The following NOS1AP variants were observed in gnomAD, a reference collection of about 807,000 sequenced individuals.
NOS1AP encodes nitric oxide synthase 1 adaptor protein, also known as carboxyl-terminal PDZ ligand of neuronal nitric oxide synthase protein.
In NOS1AP, 21 loss-of-function variants were observed where a neutral mutation model predicts 56.2. The observed-to-expected ratio is 0.37, with a 90% CI of 0.26 to 0.54. The LOEUF (loss-of-function observed/expected upper bound fraction) is 0.54, where lower values mean the gene tolerates loss of function less well. Ranked by LOEUF, NOS1AP falls within the 20% of genes least tolerant of loss-of-function variation. The pLI, the probability that NOS1AP is intolerant of heterozygous loss-of-function variation, is 0.84. For synonymous variants in NOS1AP, 270 were observed against 274.6 expected, an observed-to-expected ratio of 0.98 and a Z score of 0.17; for missense variants, 522 against 657.8, an observed-to-expected ratio of 0.79 and a Z score of 2.26.
At chr1:162,290,580 T>C (rs1230326161) in intron 3 of NOS1AP, among the ~76,000 whole-genome samples, 1 of 152,234 alleles carries the variant, frequency 6.6e-6, no homozygotes, top group African/African-American at 2.4e-5. Context: ...GGTTAAGAAC[T>C]AGAGCTCTTT....
intron 2 of NOS1AP, among the ~76,000 whole-genome samples, chr1:162,215,609 A>G (rs1377868650): frequency 1.3e-5 from 2 of 152,138 alleles, no homozygotes; most frequent in Non-Finnish European, 2.9e-5. Context: ...CACTGGCTCA[A>G]GCTTGAGGAC....
intron 1 of NOS1AP, among the ~76,000 whole-genome samples, chr1:162,076,503 A>T (rs1416193850): frequency 6.6e-6 from 1 of 152,178 alleles, no homozygotes; most frequent in African/African-American, 2.4e-5. Flanking sequence ...TAATTTAGTG[A>T]TTTTTAAGAT....
At chr1:162,242,328 C>T (rs572378972) in intron 2 of NOS1AP, among the ~76,000 whole-genome samples, 33 of 152,292 alleles carry the variant, frequency 2.2e-4, no homozygotes, top group African/African-American at 7.7e-4. Flanking sequence ...CAACAGAATG[C>T]AGTGGAAGTA....
intron 1 of NOS1AP, among the ~76,000 whole-genome samples, chr1:162,076,184 C>T (rs1691764334): frequency 6.6e-6 from 1 of 152,126 alleles, no homozygotes; most frequent in African/African-American, 2.4e-5. Context: ...CTTGAGGATG[C>T]TCTTAGCTCC....
chr1:162,358,019 A>T (rs1368862606), intron 8 of NOS1AP, among the ~76,000 whole-genome samples: 1 of 151,984 alleles, frequency 6.6e-6, no homozygotes, highest in Admixed American at 6.6e-5. Context: ...ATCTTAGGAG[A>T]CGGGGCAGTT....
intron 6 of NOS1AP, among the ~76,000 whole-genome samples, chr1:162,350,278 C>G (rs893901572): frequency 4.6e-5 from 7 of 152,354 alleles, no homozygotes; most frequent in African/African-American, 1.7e-4. Context: ...CATGTCTTTT[C>G]ATCGTTTTCA....
At chr1:162,254,760 T>C (rs16859092) in intron 2 of NOS1AP, among the ~76,000 whole-genome samples, 9,817 of 152,278 alleles carry the variant, frequency 0.064, 415 homozygotes, top group African/African-American at 0.11. Context: ...TAACTGTAGA[T>C]CACTATAAGC....
intron 3 of NOS1AP, among the ~76,000 whole-genome samples, chr1:162,299,392 A>G (rs1366352472): frequency 6.6e-6 from 1 of 152,122 alleles, no homozygotes; most frequent in African/African-American, 2.4e-5. Context: ...AAGAAAATTC[A>G]CTATGGTAGC....
At chr1:162,205,795 C>A (rs1652143939) in intron 2 of NOS1AP, among the ~76,000 whole-genome samples, 1 of 152,130 alleles carries the variant, frequency 6.6e-6, no homozygotes, top group East Asian at 1.9e-4. Context: ...ACCCTGTAGA[C>A]CTTGTTCCAT....
At chr1:162,164,159 C>T (rs1477955599) in intron 2 of NOS1AP, among the ~76,000 whole-genome samples, 1 of 152,212 alleles carries the variant, frequency 6.6e-6, no homozygotes, top group Non-Finnish European at 1.5e-5. Flanking sequence ...CAGTTTCTTG[C>T]ACTGACACAC....
chr1:162,162,433 C>T (rs534592034), intron 2 of NOS1AP, among the ~76,000 whole-genome samples: 1 of 152,278 alleles, frequency 6.6e-6, no homozygotes, highest in African/African-American at 2.4e-5. Flanking sequence ...CTGAGGCAGC[C>T]TCTGGAGTTG....
chr1:162,176,335 A>G (rs796573195), intron 2 of NOS1AP, among the ~76,000 whole-genome samples: 68 of 152,040 alleles, frequency 4.5e-4, no homozygotes, highest in African/African-American at 1.6e-3. Flanking sequence ...CCCAAACCCT[A>G]TCCCCAAACC....
intron 2 of NOS1AP, among the ~76,000 whole-genome samples, chr1:162,277,567 T>C (rs186952851): frequency 1.3e-5 from 2 of 152,330 alleles, no homozygotes; most frequent in East Asian, 3.9e-4. Flanking sequence ...TTGCTCATCA[T>C]GTTAGAAAGT....
In NOS1AP at chr1:162,108,559, A is replaced by G. The variant is rs377067817; in HGVS notation, c.105+38277A>G. ...AAAGTTTCTCTTTATAAAAGTAGCT[A>G]CAGGAGAGATGAAGAGGGAATGATA... On this transcript the variant is annotated intron_variant, in intron 1 of 9. Transcript: ENST00000361897. 4.6e-5 allele frequency among the ~76,000 whole-genome samples: 7 copies of G among 152,232 alleles called. No individual in the cohort carries two copies. In the East Asian group the frequency reaches 9.6e-4, roughly 21 times the overall value.
intron 1 of NOS1AP, among the ~76,000 whole-genome samples, chr1:162,139,462 C>T (rs1039853967): frequency 4.9e-4 from 74 of 152,138 alleles, no homozygotes; most frequent in African/African-American, 1.8e-3. Flanking sequence ...GATCTCAGTG[C>T]TGGAGGAACA....
At chr1:162,269,674 T>G (rs1455042914) in intron 2 of NOS1AP, among the ~76,000 whole-genome samples, 1 of 152,190 alleles carries the variant, frequency 6.6e-6, no homozygotes, top group East Asian at 1.9e-4. Context: ...TCATAGAAGA[T>G]CCTTTGATTT....
chr1:162,361,048 T>A, intron 8 of NOS1AP: 1 of 394,430 alleles, frequency 2.5e-6, no homozygotes, highest in South Asian at 1.9e-5. Context: ...TTGTGTGTCA[T>A]GATGAGGCCA....
intron 2 of NOS1AP, among the ~76,000 whole-genome samples, chr1:162,264,461 T>TTCTCCTCTCCTCTCCTCTCC (rs1557855313): frequency 2.7e-5 from 1 of 37,276 alleles, no homozygotes; most frequent in Non-Finnish European, 3.8e-5. Flanking sequence ...TTCTCTTCTC[T>TTCTCCTCTCCTCTCCTCTCC]TCTCCTCCCC....
rs745484162 is a variant in NOS1AP at position 162,357,054 on chromosome 1, C to G, written c.857C>G (p.Pro286Arg). The G allele has an allele frequency of 4.3e-6, 7 of 1,613,424 alleles. No homozygotes were observed. In the African/African-American group the frequency reaches 9.3e-5, roughly 22 times the overall value. ...CCTCCAGGCCTGGGCACAGAGACAC[C>G]GCTGTCCACTCACCACCAGATGCAG... ...SKPPGLGTETPLSTHHQMQLL... is the reference protein window; with the variant it reads ...SKPPGLGTETRLSTHHQMQLL... Residue 286 changes from proline (P) to arginine (R), a missense_variant, in exon 8 of 10, where the codon CCG (proline) becomes CGG (arginine). By Grantham distance (103) the Pro-to-Arg change is moderately radical (BLOSUM62 -2). Around this residue, in one of 4 missense-constraint regions of NOS1AP, gnomAD observed 178 missense variants for 165.0 expected, o/e 1.08. Transcript: ENST00000361897.
Sources: gnomAD v4.1 joint callset for allele counts (sites outside exome capture counted in the v4.1 genomes callset) on GRCh38, gnomAD v4.1.1 for gene constraint, gnomAD v4.1.1 regional missense constraint, MANE v1.5 for transcripts, NCBI Gene and HGNC (gene_info 2026-07-23, HGNC 2026-07-21) for gene names.